Variants in TTLL4 observed in about 807,000 individuals in gnomAD.
TTLL4 encodes the protein tubulin tyrosine ligase like 4.
In TTLL4, 85 loss-of-function variants were observed where a neutral mutation model predicts 122.7. That is an observed-to-expected ratio of 0.69 (90% confidence interval 0.58 to 0.83). The LOEUF (loss-of-function observed/expected upper bound fraction) is 0.83. TTLL4 is among the 40% of genes least tolerant of loss of function. TTLL4 has a pLI of 0.00. For missense variants in TTLL4, 1,363 were observed against 1,488.6 expected, an observed-to-expected ratio of 0.92 and a Z score of 1.39; for synonymous variants, 553 against 563.0, an observed-to-expected ratio of 0.98 and a Z score of 0.25.
chr2:218,725,593 T>C (rs1252639002), intron 1 of TTLL4, among the ~76,000 whole-genome samples: 1 of 152,148 alleles, frequency 6.6e-6, no homozygotes, highest in Non-Finnish European at 1.5e-5. Flanking sequence ...TCTTACGCTG[T>C]CGTCCATGCT....
chr2:218,746,813 C>T, intron 8 of TTLL4, 190 bp from the exon 9 acceptor site: 3 of 614,752 alleles, frequency 4.9e-6, no homozygotes, highest in Non-Finnish European at 5.6e-6. Flanking sequence ...TCTGTTTTGT[C>T]TGTGTTTTAA....
intron 5 of TTLL4, among the ~76,000 whole-genome samples, chr2:218,742,739 A>G (rs1301625483): frequency 6.6e-6 from 1 of 152,232 alleles, no homozygotes; most frequent in Non-Finnish European, 1.5e-5. Context: ...GGTCCCCTGT[A>G]CTGTCTACTC....
rs371385094 is a variant in TTLL4 at position 218,740,098 on chromosome 2, G to C, written c.1528G>C (p.Asp510His). 2.4e-5 allele frequency: 39 copies of C among 1,614,224 alleles called. No individual in the cohort carries two copies. In the East Asian group the frequency reaches 7.6e-4, roughly 31 times the overall value. ...CCAGCCAGATCAGGCTGAGACTGAA[G>C]ATACAGAAGAAGAACTAGTAGATGG... ...DLQPDQAETE[D>H]TEEELVDGLE... Residue 510 changes from aspartate to histidine, a missense_variant, in exon 4 of 20, where the codon GAT becomes CAT. Around this residue, in one of 3 missense-constraint regions of TTLL4, gnomAD observed 760 missense variants for 808.4 expected, o/e 0.94. Coordinates refer to ENST00000392102, the MANE Select transcript of TTLL4 (RefSeq NM_014640.5).
Position 218,740,556 on chromosome 2 carries a change from C to T in TTLL4, c.1633C>T (p.Pro545Ser). 1 of 1,614,112 alleles carries T rather than the reference C, an allele frequency of 6.2e-7. No homozygotes were observed. Among genetic ancestry groups the T allele is most frequent in the East Asian group, 2.2e-5 (1 of 44,884 alleles). ...SECSSLSAVS[P>S]SESVAMISRS... ...GTGCTCCTCATTAAGTGCTGTCTCC[C>T]CCAGCGAATCGGTGGCCATGATCTC... Residue 545 changes from proline to serine, a missense_variant, in exon 5 of 20, where the codon CCC becomes TCC. Physicochemically the swap from Pro to Ser is moderately conservative, Grantham distance 74. Coordinates refer to ENST00000392102, the MANE Select transcript of TTLL4 (RefSeq NM_014640.5).
Position 218,730,311 on chromosome 2 carries a change from C to CAAAAAAAAAAAAAAAAAAAAAAAAAAAA in TTLL4, c.-99+2975_-99+3002dup, listed in dbSNP as rs548186206. On this transcript the variant is annotated intron_variant, in intron 2 of 19. Coordinates refer to ENST00000392102, the MANE Select transcript of TTLL4 (RefSeq NM_014640.5). ...TGAAACCCCATCTTTACTAAAAATCCAAAAAAAAAAAAAAAAAAAAAAAAA... is the reference window on the plus strand; with the variant it reads ...TGAAACCCCATCTTTACTAAAAATCCAAAAAAAAAAAAAAAAAAAAAAAAAAAAAAAAAAAAAAAAAAAAAAAAAAAAA... Among the ~76,000 whole-genome samples, 3 of 14,302 alleles carry CAAAAAAAAAAAAAAAAAAAAAAAAAAAA rather than the reference C, an allele frequency of 2.1e-4. 1 individual carries two copies. The highest frequency in any genetic ancestry group is 3.5e-4 in the Non-Finnish European group (3 of 8,482). 9.4% of individuals were successfully genotyped at this position (14,302 alleles called of 152,430 possible). A position where few individuals can be genotyped will look rare whatever the true frequency, so the allele number is the denominator to read the frequency against.
chr2:218,717,334 G>T (rs191204643), intron 1 of TTLL4, among the ~76,000 whole-genome samples: 23 of 152,094 alleles, frequency 1.5e-4, no homozygotes, highest in Admixed American at 2.6e-4. Context: ...GTCCCCTCAG[G>T]GTCTGTGGAC....
At chr2:218,722,747 T>C (rs1575160956) in intron 1 of TTLL4, among the ~76,000 whole-genome samples, 1 of 152,148 alleles carries the variant, frequency 6.6e-6, no homozygotes, top group Admixed American at 6.5e-5. Context: ...ATAGATGATA[T>C]AGAAGCCAGT....
chr2:218,751,638 C>T (rs1324301138), intron 15 of TTLL4, 66 bp from the exon 16 acceptor site: 4 of 1,579,492 alleles, frequency 2.5e-6, no homozygotes, highest in Non-Finnish European at 3.4e-6. Flanking sequence ...TGGACCTCCT[C>T]CATATTTCCT....
intron 1 of TTLL4, among the ~76,000 whole-genome samples, chr2:218,720,674 CAAAA>C (rs369308487): frequency 1.4e-4 from 10 of 72,358 alleles, no homozygotes; most frequent in Admixed American, 1.6e-4. Context: ...ACTCCGGTCT[CAAAA>C]AAAAAAAAAA....
At chr2:218,744,483 A>G (rs780047176) in intron 5 of TTLL4, among the ~76,000 whole-genome samples, 9 of 152,174 alleles carry the variant, frequency 5.9e-5, no homozygotes, top group Non-Finnish European at 1.0e-4. Flanking sequence ...CATCAGCCAC[A>G]TCTCTTCATC....
At position 218,737,572 on chromosome 2, in the gene TTLL4, A is replaced by C. The variant is rs968890973; in HGVS notation, c.-98-7A>C. 5 of 1,314,500 alleles carry C rather than the reference A, an allele frequency of 3.8e-6. No individual in the cohort carries two copies. The East Asian group carries it at 1.2e-4, about 31-fold the overall frequency. The allele number at this position is 1,314,500 out of a possible 1,614,324, so 81.4% of individuals were successfully genotyped here. On this transcript the variant is annotated splice_polypyrimidine_tract_variant and splice_region_variant and intron_variant, in intron 2 of 19. Transcript: ENST00000392102. ...GTAACATTTCCTATCATTTCTCTCC[A>C]CTTCAGACTGACAGACTTCAAGGAT...
intron 19 of TTLL4, 110 bp from the exon 20 acceptor site, chr2:218,754,024 T>C: frequency 6.7e-7 from 1 of 1,494,554 alleles, no homozygotes; most frequent in South Asian, 1.3e-5. Context: ...AATTTTGGCC[T>C]ACAACACTGT....
intron 5 of TTLL4, among the ~76,000 whole-genome samples, chr2:218,741,420 A>G (rs1274882699): frequency 6.6e-6 from 1 of 152,318 alleles, no homozygotes; most frequent in Non-Finnish European, 1.5e-5. Flanking sequence ...CCTGCCTTAG[A>G]TGAAGCTAAG....
In TTLL4 at chr2:218,746,938, CT is replaced by C. The variant is rs1461787996; in HGVS notation, c.1975-63del. 1.5e-5 allele frequency: 23 copies of C among 1,537,688 alleles called. No homozygotes were observed. The Admixed American group carries it at 4.2e-4, about 28-fold the overall frequency. ...AAGAAGTTGGAATGGTAGAATGAGTCTTGTCATCTTCCTCATGGCCTCACCT... is the reference window on the plus strand; with the variant it reads ...AAGAAGTTGGAATGGTAGAATGAGTCTGTCATCTTCCTCATGGCCTCACCT... On this transcript the variant is annotated intron_variant, in intron 8 of 19. Transcript: ENST00000392102.
intron 1 of TTLL4, among the ~76,000 whole-genome samples, chr2:218,722,271 G>C (rs141315487): frequency 3.3e-5 from 5 of 151,174 alleles, no homozygotes; most frequent in African/African-American, 1.2e-4. Flanking sequence ...AAAATTGTAG[G>C]AAAAGGTATA....
downstream of TTLL4, among the ~76,000 whole-genome samples, chr2:218,759,447 G>A (rs7594046): frequency 0.53 from 81,101 of 152,118 alleles, 23,187 homozygotes; most frequent in African/African-American, 0.73. Context: ...CATGGATGAA[G>A]CTAAGCGAGA....
intron 2 of TTLL4, among the ~76,000 whole-genome samples, chr2:218,728,417 T>A (rs997401123): frequency 6.6e-6 from 1 of 152,130 alleles, no homozygotes; most frequent in Non-Finnish European, 1.5e-5. Flanking sequence ...CAGTTCATAA[T>A]AGGGTGAGCG....
rs1943078957 is a variant in TTLL4 at position 218,753,472 on chromosome 2, G to A, written c.3259-112G>A. The A allele has an allele frequency of 3.6e-6, 4 of 1,109,684 alleles. No individual in the cohort carries two copies. The South Asian group carries it at 5.2e-5, about 15-fold the overall frequency. The allele number at this position is 1,109,684 out of a possible 1,614,324, so 68.7% of individuals were successfully genotyped here. ...GGGCCCATGCCTGAGGGGTAGGGAA[G>A]GGGAGAACCCCATGATCCATTTAGA... On this transcript the variant is annotated intron_variant, in intron 18 of 19. Coordinates refer to ENST00000392102, the MANE Select transcript of TTLL4 (RefSeq NM_014640.5).
At chr2:218,725,904 C>A (rs776307558) in intron 1 of TTLL4, among the ~76,000 whole-genome samples, 58 of 152,110 alleles carry the variant, frequency 3.8e-4, no homozygotes, top group Non-Finnish European at 7.5e-4. Flanking sequence ...TTATTTTTGA[C>A]AAGTTTGTCT....
Sources: allele counts gnomAD v4.1 joint callset (sites outside exome capture counted in the v4.1 genomes callset), GRCh38; gene constraint gnomAD v4.1.1; regional missense constraint gnomAD v4.1.1; transcripts MANE v1.5; gene names NCBI Gene and HGNC (gene_info 2026-07-23, HGNC 2026-07-21).